Variants in EYS observed in about 807,000 individuals in gnomAD.
EYS encodes the protein EGF-like photoreceptor maintenance factor.
Under a neutral mutation model 282.1 loss-of-function variants are expected in EYS, and 250 were observed. The ratio of observed to expected loss-of-function variants is 0.89; its 90% CI spans 0.80 to 0.98. EYS has a LOEUF of 0.98. EYS is among the 50% of genes least tolerant of loss of function. EYS has a pLI of 0.00. For synonymous variants in EYS, 1,355 were observed against 1,282.9 expected, an observed-to-expected ratio of 1.06 and a Z score of -1.20; for missense variants, 4,016 against 3,709.0, an observed-to-expected ratio of 1.08 and a Z score of -2.15.
At chr6:65,389,091 G>A (rs1363246923) in intron 7 of EYS, among the ~76,000 whole-genome samples, 1 of 152,002 alleles carries the variant, frequency 6.6e-6, no homozygotes, top group East Asian at 1.9e-4. Context: ...AGGTCTCTTT[G>A]CATGTGCCCT....
chr6:64,344,262 G>T (rs990694338), intron 29 of EYS, among the ~76,000 whole-genome samples: 6 of 151,592 alleles, frequency 4.0e-5, no homozygotes, highest in African/African-American at 1.5e-4. Flanking sequence ...CAAAAAAGAG[G>T]ATTTTAGACC....
At chr6:63,723,600 C>T (rs1768493004) in intron 42 of EYS, among the ~76,000 whole-genome samples, 1 of 151,936 alleles carries the variant, frequency 6.6e-6, no homozygotes, top group African/African-American at 2.4e-5. Flanking sequence ...GAAGAAAGAG[C>T]AAGGATAGCT....
intron 17 of EYS, 28 bp from the exon 18 acceptor site, chr6:64,902,248 A>C (rs1041535789): frequency 6.9e-7 from 1 of 1,450,774 alleles, no homozygotes; most frequent in Non-Finnish European, 9.4e-7. Context: ...TAGTAACTCC[A>C]TTAGTATATA....
At chr6:63,824,688 C>A (rs1251605477) in intron 36 of EYS, among the ~76,000 whole-genome samples, 1 of 152,018 alleles carries the variant, frequency 6.6e-6, no homozygotes, top group African/African-American at 2.4e-5. Context: ...TACCTGGAGC[C>A]AAGTCAAGTT....
intron 22 of EYS, among the ~76,000 whole-genome samples, chr6:64,756,255 A>AATG (rs933032936): frequency 1.3e-5 from 2 of 152,204 alleles, no homozygotes; most frequent in Non-Finnish European, 2.9e-5. Context: ...ACTTTATGGC[A>AATG]ATGTTTAAAG....
intron 9 of EYS, among the ~76,000 whole-genome samples, chr6:65,349,460 G>A (rs943811968): frequency 1.3e-5 from 2 of 151,362 alleles, no homozygotes; most frequent in Non-Finnish European, 3.0e-5. Context: ...ATCTTTAAAA[G>A]TTGTATGTCC....
intron 41 of EYS, among the ~76,000 whole-genome samples, chr6:63,749,615 C>T (rs999657787): frequency 2.0e-5 from 3 of 152,132 alleles, no homozygotes; most frequent in Non-Finnish European, 4.4e-5. Context: ...GGCTGATATC[C>T]TTCCCCATCA....
At chr6:65,197,142 C>T (rs1201859110) in intron 12 of EYS, among the ~76,000 whole-genome samples, 3 of 151,930 alleles carry the variant, frequency 2.0e-5, no homozygotes, top group African/African-American at 7.3e-5. Context: ...GAATACAGGA[C>T]GGTATTGAAG....
intron 22 of EYS, among the ~76,000 whole-genome samples, chr6:64,704,429 CTATAA>C (rs1449005434): frequency 2.3e-5 from 3 of 132,220 alleles, no homozygotes; most frequent in African/African-American, 8.4e-5. Context: ...AATTATATTT[CTATAA>C]TATAATCTAT....
At chr6:65,122,929 T>G (rs1046727902) in intron 12 of EYS, among the ~76,000 whole-genome samples, 3 of 152,182 alleles carry the variant, frequency 2.0e-5, no homozygotes, top group Admixed American at 6.5e-5. Context: ...TCAGTAATAT[T>G]TGAACATAGA....
At chr6:64,093,579 G>A (rs923055661) in intron 31 of EYS, among the ~76,000 whole-genome samples, 3 of 152,262 alleles carry the variant, frequency 2.0e-5, no homozygotes, top group Non-Finnish European at 4.4e-5. Context: ...GTATAAGAAT[G>A]CTTGTGATTT....
At chr6:65,272,336 C>T (rs1378635773) in intron 12 of EYS, among the ~76,000 whole-genome samples, 1 of 152,054 alleles carries the variant, frequency 6.6e-6, no homozygotes, top group Admixed American at 6.6e-5. Context: ...ACTTTGACCC[C>T]CTTGACCTTG....
chr6:64,039,824 C>T (rs1215344896), intron 33 of EYS, among the ~76,000 whole-genome samples: 1 of 151,968 alleles, frequency 6.6e-6, no homozygotes, highest in Non-Finnish European at 1.5e-5. Context: ...CATAATTTCC[C>T]TTTTCTTTTA....
At chr6:63,805,499 G>C (rs1359250118) in intron 37 of EYS, among the ~76,000 whole-genome samples, 2 of 152,198 alleles carry the variant, frequency 1.3e-5, no homozygotes, top group African/African-American at 4.8e-5. Context: ...GAAAGAAACA[G>C]AGGAAAGGAC....
intron 36 of EYS, among the ~76,000 whole-genome samples, chr6:63,840,968 G>T (rs1771940728): frequency 6.6e-6 from 1 of 152,082 alleles, no homozygotes; most frequent in African/African-American, 2.4e-5. Context: ...AGTCAGCTTT[G>T]TTCTATTTCT....
chr6:64,976,370 T>A (rs960797730), intron 14 of EYS, among the ~76,000 whole-genome samples: 19 of 151,176 alleles, frequency 1.3e-4, no homozygotes, highest in African/African-American at 4.4e-4. Context: ...CAGGCTGCTA[T>A]TAAAAAAAAA....
At chr6:64,961,839 GA>G (rs1769931754) in intron 14 of EYS, among the ~76,000 whole-genome samples, 1 of 152,044 alleles carries the variant, frequency 6.6e-6, no homozygotes, top group Non-Finnish European at 1.5e-5. Flanking sequence ...TATAAAACTA[GA>G]AAAATAATAG....
chr6:64,967,268 A>G (rs1770128135), intron 14 of EYS, among the ~76,000 whole-genome samples: 1 of 152,082 alleles, frequency 6.6e-6, no homozygotes, highest in South Asian at 2.1e-4. Flanking sequence ...CATTCATGGG[A>G]CAAAATCTAA....
chr6:64,336,529 G>A (rs934514544), intron 29 of EYS, among the ~76,000 whole-genome samples: 2 of 151,910 alleles, frequency 1.3e-5, no homozygotes, highest in South Asian at 2.1e-4. Context: ...TAATTGTGGG[G>A]GACTTAAATA....
Sources: gnomAD v4.1 joint callset for allele counts (sites outside exome capture counted in the v4.1 genomes callset) on GRCh38, gnomAD v4.1.1 for gene constraint, MANE v1.5 for transcripts, NCBI Gene and HGNC (gene_info 2026-07-23, HGNC 2026-07-21) for gene names.